The following LDB2 variants were observed in gnomAD, a reference collection of about 807,000 sequenced individuals.
LDB2 encodes the protein LIM domain-binding protein 2.
In LDB2, 12 loss-of-function variants were observed where a neutral mutation model predicts 44.3. The observed-to-expected ratio is 0.27, with a 90% CI of 0.17 to 0.44. LDB2 has a LOEUF of 0.44. LDB2 is among the 20% of genes least tolerant of loss of function. LDB2 has a pLI of 1.00. For synonymous variants in LDB2, 164 were observed against 174.8 expected (o/e 0.94, Z 0.49); for missense variants, 344 against 473.5 (o/e 0.73, Z 2.54).
At chr4:16,612,813 A>C (rs1726059062) in intron 2 of LDB2, among the ~76,000 whole-genome samples, 1 of 152,214 alleles carries the variant, frequency 6.6e-6, no homozygotes, top group Non-Finnish European at 1.5e-5. Flanking sequence ...AACTATTCCA[A>C]ACAGCTGAAA....
intron 2 of LDB2, among the ~76,000 whole-genome samples, chr4:16,604,154 A>C (rs2152454904): frequency 6.6e-6 from 1 of 152,298 alleles, no homozygotes; most frequent in South Asian, 2.1e-4. Flanking sequence ...TGCCTGGCCA[A>C]CAAATATGTT....
intron 1 of LDB2, among the ~76,000 whole-genome samples, chr4:16,854,966 T>G (rs987533522): frequency 1.3e-5 from 2 of 151,698 alleles, no homozygotes; most frequent in Non-Finnish European, 2.9e-5. Flanking sequence ...TATATAAATA[T>G]AATTTCACTT....
chr4:16,800,094 GA>G (rs1483332021), intron 1 of LDB2, among the ~76,000 whole-genome samples: 1 of 151,988 alleles, frequency 6.6e-6, no homozygotes, highest in Non-Finnish European at 1.5e-5. Flanking sequence ...GCGGAGCTGG[GA>G]AACAAATATA....
At chr4:16,540,063 C>G (rs1414832384) in intron 5 of LDB2, among the ~76,000 whole-genome samples, 5 of 152,140 alleles carry the variant, frequency 3.3e-5, no homozygotes, top group Non-Finnish European at 1.5e-5. Flanking sequence ...GATGGCAGAG[C>G]AGGAGTGGTG....
intron 7 of LDB2, among the ~76,000 whole-genome samples, chr4:16,504,779 C>G (rs953703642): frequency 6.6e-6 from 1 of 152,036 alleles, no homozygotes; most frequent in Non-Finnish European, 1.5e-5. Context: ...GAGTTATAGG[C>G]AATTAGGAGA....
intron 1 of LDB2, among the ~76,000 whole-genome samples, chr4:16,851,530 G>T (rs1211161118): frequency 6.6e-6 from 1 of 151,702 alleles, no homozygotes; most frequent in African/African-American, 2.4e-5. Flanking sequence ...GGAGGTGGAG[G>T]TTGCAGTGAG....
intron 2 of LDB2, among the ~76,000 whole-genome samples, chr4:16,717,410 C>G (rs1579031512): frequency 2.0e-5 from 3 of 151,988 alleles, no homozygotes; most frequent in African/African-American, 7.2e-5. Flanking sequence ...AATCATACCC[C>G]CTCCTGCATT....
chr4:16,501,691 T>G lies in LDB2; in HGVS notation c.*952A>C, dbSNP rs1717570805. 3 of 152,574 alleles carry G rather than the reference T, an allele frequency of 2.0e-5. No individual in the cohort carries two copies. Among genetic ancestry groups the G allele is most frequent in the Admixed American group, 2.0e-4 (3 of 15,278 alleles). The allele number at this position is 152,574 out of a possible 1,614,324, so 9.5% of individuals were successfully genotyped here. ...TGGAAAAATTAATTCTCTTATAAAG[T>G]TTCACATAAATACACTGGAGTTGCC... On this transcript the variant is annotated 3_prime_UTR_variant, in exon 8 of 8. Coordinates refer to ENST00000304523, the MANE Select transcript of LDB2 (RefSeq NM_001290.5).
chr4:16,598,850 G>A (rs896826241), intron 2 of LDB2, among the ~76,000 whole-genome samples: 7 of 150,592 alleles, frequency 4.6e-5, no homozygotes, highest in Non-Finnish European at 5.9e-5. Flanking sequence ...TCACTTATGC[G>A]AGGTGCGCGC....
intron 4 of LDB2, among the ~76,000 whole-genome samples, chr4:16,587,613 A>C (rs746409392): frequency 1.3e-5 from 2 of 152,162 alleles, no homozygotes; most frequent in African/African-American, 2.4e-5. Context: ...TGCAACAAAA[A>C]GCATAAGGCT....
rs554045323 is a variant in LDB2 at position 16,680,090 on chromosome 4, G to A, written c.235+79068C>T. Among the ~76,000 whole-genome samples the A allele has an allele frequency of 3.6e-4, 55 of 152,216 alleles. No homozygotes were observed. In the South Asian group the frequency reaches 8.5e-3, roughly 24 times the overall value. On this transcript the variant is annotated intron_variant, in intron 2 of 7. Transcript: ENST00000304523. ...ATTAGATCATGAAGGCAGAGCCCTC[G>A]TGAATAGGATTAGTGCCCACATAAG...
intron 2 of LDB2, among the ~76,000 whole-genome samples, chr4:16,600,965 C>G (rs1171423294): frequency 6.6e-6 from 1 of 151,966 alleles, no homozygotes; most frequent in African/African-American, 2.4e-5. Flanking sequence ...CATTTTATCT[C>G]TTTTAGTAAT....
At chr4:16,680,741 G>A (rs1429549613) in intron 2 of LDB2, among the ~76,000 whole-genome samples, 2 of 152,142 alleles carry the variant, frequency 1.3e-5, no homozygotes, top group African/African-American at 4.8e-5. Context: ...TAAATAACCT[G>A]CACAGTATAT....
chr4:16,571,573 G>C (rs1292302191), intron 5 of LDB2, among the ~76,000 whole-genome samples: 2 of 152,146 alleles, frequency 1.3e-5, no homozygotes, highest in Non-Finnish European at 2.9e-5. Flanking sequence ...GGTCAACATG[G>C]GATGTAATCC....
intron 1 of LDB2, among the ~76,000 whole-genome samples, chr4:16,814,531 A>G (rs1313592541): frequency 8.0e-6 from 1 of 124,334 alleles, no homozygotes; most frequent in Non-Finnish European, 1.9e-5. Context: ...CCATTATATG[A>G]GCAACCCCTG....
At chr4:16,788,605 C>A (rs761282445) in intron 1 of LDB2, among the ~76,000 whole-genome samples, 1 of 152,208 alleles carries the variant, frequency 6.6e-6, no homozygotes, top group Admixed American at 6.5e-5. Context: ...CCAGCTTCTG[C>A]CCTCTGCAGT....
At chr4:16,770,434 G>T (rs1770405650) in intron 1 of LDB2, among the ~76,000 whole-genome samples, 1 of 152,052 alleles carries the variant, frequency 6.6e-6, no homozygotes, top group South Asian at 2.1e-4. Context: ...GTGAAACAGG[G>T]GCTTTGATTC....
chr4:16,803,159 A>G (rs1778170776), intron 1 of LDB2, among the ~76,000 whole-genome samples: 1 of 152,174 alleles, frequency 6.6e-6, no homozygotes, highest in Admixed American at 6.5e-5. Flanking sequence ...GAATATCACT[A>G]AATTTAGATT....
chr4:16,527,144 G>A (rs1313846892), intron 5 of LDB2, among the ~76,000 whole-genome samples: 1 of 152,176 alleles, frequency 6.6e-6, no homozygotes, highest in African/African-American at 2.4e-5. Context: ...AAGTTAGACA[G>A]CGAGATATTT....
Sources: allele counts gnomAD v4.1 joint callset (sites outside exome capture counted in the v4.1 genomes callset), GRCh38; gene constraint gnomAD v4.1.1; transcripts MANE v1.5; gene names NCBI Gene and HGNC (gene_info 2026-07-23, HGNC 2026-07-21).